LRP1B: variants seen among roughly 807,000 people sequenced by gnomAD.
The protein encoded by LRP1B is low-density lipoprotein receptor-related protein 1B.
In LRP1B, 217 loss-of-function variants were observed where a neutral mutation model predicts 556.6. The observed-to-expected ratio is 0.39, with a 90% CI of 0.35 to 0.44. The LOEUF (loss-of-function observed/expected upper bound fraction) is 0.44. Ranked by LOEUF, LRP1B falls within the 20% of genes least tolerant of loss-of-function variation. The pLI is 1.00. For synonymous variants in LRP1B, 2,047 were observed against 1,865.8 expected (o/e 1.10, Z -2.50); for missense variants, 5,053 against 5,620.8 (o/e 0.90, Z 3.23).
In LRP1B at chr2:141,884,235, G is replaced by A. The variant is rs1037524560; in HGVS notation, c.83-73834C>T. 2.6e-5 allele frequency among the ~76,000 whole-genome samples: 4 copies of A among 151,998 alleles called. No homozygotes were observed. In the East Asian group the frequency reaches 7.7e-4, roughly 29 times the overall value. On this transcript the variant is annotated intron_variant, in intron 1 of 90. Coordinates refer to ENST00000389484, the MANE Select transcript of LRP1B (RefSeq NM_018557.3). The stretch of plus-strand genomic sequence containing the variant: ...ACAAAAAAATAAAAATAATAGCCAG[G>A]CATGGTAGCATGTGCCTGTAGTCCC...
intron 1 of LRP1B, among the ~76,000 whole-genome samples, chr2:141,856,488 G>C (rs879540108): frequency 6.6e-5 from 10 of 152,072 alleles, no homozygotes; most frequent in Non-Finnish European, 8.8e-5. Context: ...CAAAGGGTTT[G>C]AAAACAATTA....
intron 2 of LRP1B, among the ~76,000 whole-genome samples, chr2:141,790,633 C>T (rs952285680): frequency 2.0e-5 from 3 of 151,692 alleles, no homozygotes; most frequent in African/African-American, 7.3e-5. Flanking sequence ...CAGCACCATC[C>T]TACATTCTCC....
intron 3 of LRP1B, among the ~76,000 whole-genome samples, chr2:141,458,489 G>A (rs1681722506): frequency 6.6e-6 from 1 of 152,118 alleles, no homozygotes. Flanking sequence ...ATCTAAATTG[G>A]TAGAAAAGCA....
At chr2:141,930,255 A>G (rs962833874) in intron 1 of LRP1B, among the ~76,000 whole-genome samples, 2 of 152,032 alleles carry the variant, frequency 1.3e-5, no homozygotes, top group African/African-American at 4.8e-5. Flanking sequence ...TCCTCCATAA[A>G]AGATATTAAT....
rs59699046 is a variant in LRP1B, at chr2:141,212,249, A to ATTTTTTTTTTTTT, written c.850+16921_850+16933dup. Among the ~76,000 whole-genome samples, 30 of 62,268 alleles carry ATTTTTTTTTTTTT rather than the reference A, an allele frequency of 4.8e-4. 7 individuals carry two copies. The highest frequency in any genetic ancestry group is 7.3e-4 in the African/African-American group (11 of 15,156). 40.9% of individuals were successfully genotyped at this position (62,268 alleles called of 152,430 possible). A position where few individuals can be genotyped will look rare whatever the true frequency, so the allele number is the denominator to read the frequency against. On this transcript the variant is annotated intron_variant, in intron 6 of 90. Coordinates refer to ENST00000389484, the MANE Select transcript of LRP1B (RefSeq NM_018557.3). Reference sequence around the variant, plus strand: ...AAGATATATTGATCAAAAAGTCTAGATTTTTTTTTTTTTTTTTTTTTTTTT... The same window carrying ATTTTTTTTTTTTT: ...AAGATATATTGATCAAAAAGTCTAGATTTTTTTTTTTTTTTTTTTTTTTTTTTTTTTTTTTTTT...
chr2:140,774,695 A>G (rs913980729), intron 33 of LRP1B, among the ~76,000 whole-genome samples: 4 of 152,126 alleles, frequency 2.6e-5, no homozygotes, highest in African/African-American at 7.3e-5. Flanking sequence ...TGGAAATCAG[A>G]AAATGTTTCA....
chr2:141,733,608 G>A (rs982774034), intron 2 of LRP1B, among the ~76,000 whole-genome samples: 1 of 152,038 alleles, frequency 6.6e-6, no homozygotes, highest in Non-Finnish European at 1.5e-5. Context: ...TGGGCTCAAG[G>A]CTCTTCCTGA....
chr2:141,219,277 G>T (rs111816852), intron 6 of LRP1B, among the ~76,000 whole-genome samples: 1 of 152,182 alleles, frequency 6.6e-6, no homozygotes, highest in Admixed American at 6.5e-5. Flanking sequence ...TGGGGAGATC[G>T]GGCAGTTTAA....
At chr2:140,685,920 G>T (rs150353701) in intron 41 of LRP1B, among the ~76,000 whole-genome samples, 1 of 152,100 alleles carries the variant, frequency 6.6e-6, no homozygotes, top group Non-Finnish European at 1.5e-5. Flanking sequence ...AAGTGATAAA[G>T]ATATTCAGCA....
rs888052957 is a variant in LRP1B, at chr2:140,999,764, C to A, written c.2503+5571G>T. Among the ~76,000 whole-genome samples the A allele has an allele frequency of 5.5e-4, 84 of 151,644 alleles. 1 individual carries two copies. The highest frequency in any genetic ancestry group is 1.5e-4 in the Non-Finnish European group (10 of 67,944). ...ACATGTTTTGTTGTTTTTGGTTTGG[C>A]AATTAGGGCAAAGAAGAAACTACAT... On this transcript the variant is annotated intron_variant, in intron 15 of 90. Coordinates refer to ENST00000389484, the MANE Select transcript of LRP1B (RefSeq NM_018557.3).
intron 35 of LRP1B, among the ~76,000 whole-genome samples, chr2:140,739,894 T>C (rs1244349354): frequency 6.6e-6 from 1 of 151,944 alleles, no homozygotes; most frequent in Non-Finnish European, 1.5e-5. Flanking sequence ...AAAGAAGATA[T>C]AAAAATGACC....
chr2:141,579,463 G>A (rs1404375531), intron 2 of LRP1B, among the ~76,000 whole-genome samples: 7 of 152,062 alleles, frequency 4.6e-5, no homozygotes. Context: ...AGAAGTCAAC[G>A]GGGAGTGTCA....
intron 2 of LRP1B, among the ~76,000 whole-genome samples, chr2:141,653,466 G>A (rs1689876532): frequency 6.6e-6 from 1 of 152,192 alleles, no homozygotes; most frequent in South Asian, 2.1e-4. Context: ...AACACAGGCA[G>A]AGTGCTCCTG....
intron 29 of LRP1B, among the ~76,000 whole-genome samples, chr2:140,849,435 G>T (rs1162878582): frequency 6.6e-6 from 1 of 150,648 alleles, no homozygotes; most frequent in Non-Finnish European, 1.5e-5. Context: ...AGGGAAGCCA[G>T]TCCTTCCTAA....
At chr2:140,547,827 A>C (rs1680401171) in intron 43 of LRP1B, among the ~76,000 whole-genome samples, 3 of 152,006 alleles carry the variant, frequency 2.0e-5, no homozygotes, top group Admixed American at 2.0e-4. Context: ...GAGTTGTTCT[A>C]ATTTTTTGTA....
rs1687116071 is a variant in LRP1B, at chr2:140,456,576, T to C, written c.9842A>G (p.Asn3281Ser). The C allele has an allele frequency of 6.2e-7, 1 of 1,611,678 alleles. No individual in the cohort carries two copies. The highest frequency in any genetic ancestry group is 8.5e-7 in the Non-Finnish European group (1 of 1,178,604). The change falls in exon 62 of 91, where the codon AAT (asparagine) becomes AGT (serine). Residue 3281 changes from asparagine (N) to serine (S), a missense_variant. Asn to Ser is a conservative substitution (Grantham distance 46, BLOSUM62 1). Transcript: ENST00000389484. ...DVSKHLCMIN[N>S]GGCSHLCLLA... ...AAGGCACAAATGACTGCAACCACCA[T>C]TATTTATCATGCAGAGATGTTTGGA...
chr2:141,414,923 T>A (rs1338666652), intron 3 of LRP1B, among the ~76,000 whole-genome samples: 1 of 152,220 alleles, frequency 6.6e-6, no homozygotes, highest in Admixed American at 6.5e-5. Flanking sequence ...TCTGATAAAA[T>A]TGAAGTATAT....
intron 6 of LRP1B, among the ~76,000 whole-genome samples, chr2:141,213,321 CAAGT>C (rs1238861185): frequency 6.6e-6 from 1 of 151,974 alleles, no homozygotes; most frequent in African/African-American, 2.4e-5. Flanking sequence ...TTAATAAAAA[CAAGT>C]AAGATAATTA....
At chr2:141,115,957 A>G (rs1475063695) in intron 7 of LRP1B, among the ~76,000 whole-genome samples, 1 of 152,198 alleles carries the variant, frequency 6.6e-6, no homozygotes, top group Non-Finnish European at 1.5e-5. Flanking sequence ...AATAGAATGT[A>G]TATGTATTCC....
Sources: allele counts gnomAD v4.1 joint callset (sites outside exome capture counted in the v4.1 genomes callset), GRCh38; gene constraint gnomAD v4.1.1; transcripts MANE v1.5; gene names NCBI Gene and HGNC (gene_info 2026-07-23, HGNC 2026-07-21).